Variants in ZNF385B observed in about 807,000 individuals in gnomAD.
The protein encoded by ZNF385B is zinc finger protein 385B.
Under a neutral mutation model 39.2 loss-of-function variants are expected in ZNF385B, and 23 were observed. The ratio of observed to expected loss-of-function variants is 0.59; its 90% CI spans 0.42 to 0.83. ZNF385B has a LOEUF of 0.83. ZNF385B is among the 40% of genes least tolerant of loss of function. ZNF385B has a pLI of 0.00. For missense variants in ZNF385B, 552 were observed against 598.9 expected (o/e 0.92, Z 0.82); for synonymous variants, 205 against 222.6 (o/e 0.92, Z 0.70).
chr2:179,752,973 A>G (rs566192199), intron 3 of ZNF385B, among the ~76,000 whole-genome samples: 1 of 152,250 alleles, frequency 6.6e-6, no homozygotes, highest in Admixed American at 6.5e-5. Context: ...TTTTGTTGCC[A>G]TTGCTTTTGG....
At position 179,499,923 on chromosome 2, in the gene ZNF385B, TA is replaced by T. The variant is rs902802273; in HGVS notation, c.553-16490del. 1.1e-3 allele frequency among the ~76,000 whole-genome samples: 166 copies of T among 151,904 alleles called. 1 individual carries two copies. The highest frequency in any genetic ancestry group is 7.7e-4 in the East Asian group (4 of 5,178). On this transcript the variant is annotated intron_variant, in intron 5 of 9. Coordinates refer to ENST00000410066, the MANE Select transcript of ZNF385B (RefSeq NM_152520.6). ...CCACATAAAAACCTATTAGGACTGA[TA>T]AAAAAAATTCAGTCAAGTTGCAGGA...
intron 1 of ZNF385B, among the ~76,000 whole-genome samples, chr2:179,832,434 GT>G (rs1708036179): frequency 1.3e-5 from 2 of 152,174 alleles, no homozygotes; most frequent in Non-Finnish European, 1.5e-5. Flanking sequence ...TGTAAAAAAA[GT>G]TAATGTATAT....
chr2:179,493,554 T>C (rs965284892), intron 5 of ZNF385B, among the ~76,000 whole-genome samples: 1 of 71,698 alleles, frequency 1.4e-5, no homozygotes, highest in African/African-American at 4.3e-5. Flanking sequence ...TACGTGTACA[T>C]GCACATATAT....
At chr2:179,577,536 A>G (rs1195105219) in intron 3 of ZNF385B, among the ~76,000 whole-genome samples, 1 of 152,082 alleles carries the variant, frequency 6.6e-6, no homozygotes, top group Non-Finnish European at 1.5e-5. Flanking sequence ...CATGCCCAGT[A>G]TATTTCTGGT....
intron 3 of ZNF385B, among the ~76,000 whole-genome samples, chr2:179,645,471 G>A (rs1018944691): frequency 1.3e-5 from 2 of 151,978 alleles, no homozygotes; most frequent in Non-Finnish European, 2.9e-5. Context: ...ATTGACTGAG[G>A]CCTACCTAAC....
chr2:179,627,847 G>A (rs1690810538), intron 3 of ZNF385B, among the ~76,000 whole-genome samples: 1 of 152,030 alleles, frequency 6.6e-6, no homozygotes, highest in Non-Finnish European at 1.5e-5. Flanking sequence ...GAAAGTGTAG[G>A]TAGAGTATAT....
intron 3 of ZNF385B, among the ~76,000 whole-genome samples, chr2:179,655,810 G>C (rs185228239): frequency 2.0e-5 from 3 of 152,244 alleles, no homozygotes; most frequent in Admixed American, 6.5e-5. Context: ...TAACATTCGA[G>C]GCAAAAGTGA....
chr2:179,443,278 G>C lies in ZNF385B; in HGVS notation c.1433C>G (p.Pro478Arg), dbSNP rs2049124130. Residue 478 changes from proline (P) to arginine (R), a missense_variant, in exon 10 of 10, where the codon CCT becomes CGT. Pro to Arg is a moderately radical substitution (Grantham distance 103, BLOSUM62 -2). Coordinates refer to ENST00000410066, the MANE Select transcript of ZNF385B (RefSeq NM_152520.6). ...RPGHGPIRATPASILFAPY is the reference protein window; with the variant it reads ...RPGHGPIRATRASILFAPY ...GTACGGAGCAAAGAGGATGGAGGCA[G>C]GAGTGGCGCGGATGGGCCCATGCCC... 1 of 1,612,442 alleles carries C rather than the reference G, an allele frequency of 6.2e-7. No homozygotes were observed. The highest frequency in any genetic ancestry group is 1.7e-5 in the Admixed American group (1 of 60,012).
At chr2:179,772,706 A>G (rs1180720130) in intron 1 of ZNF385B, among the ~76,000 whole-genome samples, 1 of 152,220 alleles carries the variant, frequency 6.6e-6, no homozygotes, top group Non-Finnish European at 1.5e-5. Context: ...TAAATGGAAG[A>G]AGAGAGAAAA....
rs1018036464 is a variant in ZNF385B at position 179,644,555 on chromosome 2, T to G, written c.299-99586A>C. ...CTTTTAAAACTCAATTTAAGAGAGA[T>G]ATGTATTTCAAACAGTTTCCAGTGA... On this transcript the variant is annotated intron_variant, in intron 3 of 9. Transcript: ENST00000410066. Among the ~76,000 whole-genome samples, 33 of 152,232 alleles carry G rather than the reference T, an allele frequency of 2.2e-4. 1 individual carries two copies. The highest frequency in any genetic ancestry group is 2.2e-3 in the Admixed American group (33 of 15,284).
chr2:179,847,917 A>G (rs1708880597), intron 1 of ZNF385B, among the ~76,000 whole-genome samples: 1 of 151,828 alleles, frequency 6.6e-6, no homozygotes, highest in Non-Finnish European at 1.5e-5. Flanking sequence ...ACTTCAACAA[A>G]GAAGCCTATA....
chr2:179,833,181 T>C (rs1016400984), intron 1 of ZNF385B, among the ~76,000 whole-genome samples: 4 of 152,182 alleles, frequency 2.6e-5, no homozygotes, highest in Non-Finnish European at 5.9e-5. Flanking sequence ...TTAGGCACAA[T>C]TGAATATTTG....
rs567421537 is a variant in ZNF385B at position 179,826,621 on chromosome 2, A to T, written c.-155+34480T>A. Reference sequence around the variant, plus strand: ...AGCAAGATATTTCTCCACAATGCACACAATAGATCTAAATGGACCTAAAAT... The same window carrying T: ...AGCAAGATATTTCTCCACAATGCACTCAATAGATCTAAATGGACCTAAAAT... On this transcript the variant is annotated intron_variant, in intron 1 of 9. Transcript: ENST00000410066. 4.6e-5 allele frequency among the ~76,000 whole-genome samples: 7 copies of T among 152,270 alleles called. No homozygotes were observed. The East Asian group carries it at 1.4e-3, about 29-fold the overall frequency.
intron 4 of ZNF385B, among the ~76,000 whole-genome samples, chr2:179,541,954 A>G (rs2059944045): frequency 6.6e-6 from 1 of 152,214 alleles, no homozygotes; most frequent in South Asian, 2.1e-4. Flanking sequence ...TCTTCCTTCA[A>G]TAACTCTCTT....
rs572359209 is a variant in ZNF385B, at chr2:179,837,593, C to A, written c.-155+23508G>T. ...GTTTTGAAAGCAAAGCCTGAAGAGACAGCTGACTCACCGTGGTTTTCCCTC... is the reference window on the plus strand; with the variant it reads ...GTTTTGAAAGCAAAGCCTGAAGAGAAAGCTGACTCACCGTGGTTTTCCCTC... On this transcript the variant is annotated intron_variant, in intron 1 of 9. Coordinates refer to ENST00000410066, the MANE Select transcript of ZNF385B (RefSeq NM_152520.6). 5.3e-5 allele frequency among the ~76,000 whole-genome samples: 8 copies of A among 152,348 alleles called. 1 individual carries two copies. In the South Asian group the frequency reaches 1.7e-3, roughly 32 times the overall value.
At chr2:179,450,885 T>C (rs1336224178) in intron 6 of ZNF385B, among the ~76,000 whole-genome samples, 2 of 151,750 alleles carry the variant, frequency 1.3e-5, no homozygotes, top group African/African-American at 4.8e-5. Context: ...ATTAAGAAAA[T>C]GTGGCACATA....
At chr2:179,514,788 T>C (rs1285249463) in intron 5 of ZNF385B, among the ~76,000 whole-genome samples, 1 of 151,698 alleles carries the variant, frequency 6.6e-6, no homozygotes, top group Non-Finnish European at 1.5e-5. Context: ...GTTTTTTTTT[T>C]TTTTTTTTAG....
At chr2:179,446,151 G>T (rs2049450152) in intron 7 of ZNF385B, among the ~76,000 whole-genome samples, 1 of 151,860 alleles carries the variant, frequency 6.6e-6, no homozygotes, top group Non-Finnish European at 1.5e-5. Flanking sequence ...GTATCATATT[G>T]GGTTACTATA....
At chr2:179,467,289 A>G (rs2052169782) in intron 6 of ZNF385B, among the ~76,000 whole-genome samples, 1 of 152,212 alleles carries the variant, frequency 6.6e-6, no homozygotes. Context: ...AGTATAGTAC[A>G]GGCTGCTTTA....
Sources: gnomAD v4.1 joint callset for allele counts (sites outside exome capture counted in the v4.1 genomes callset) on GRCh38, gnomAD v4.1.1 for gene constraint, MANE v1.5 for transcripts, NCBI Gene and HGNC (gene_info 2026-07-23, HGNC 2026-07-21) for gene names.